Variants in ZFP69 observed in about 807,000 individuals in gnomAD.
ZFP69 encodes the protein ZFP69 zinc finger protein, also known as zinc finger protein 69 homolog.
A neutral mutation model predicts 48.9 loss-of-function variants in ZFP69; 35 were observed. The ratio of observed to expected loss-of-function variants is 0.72; its 90% CI spans 0.55 to 0.95. The LOEUF (loss-of-function observed/expected upper bound fraction) is 0.95, where lower values mean the gene tolerates loss of function less well. ZFP69 is among the 40% of genes least tolerant of loss of function. The pLI is 0.00. For synonymous variants in ZFP69, 193 were observed against 216.8 expected (o/e 0.89, Z 0.96); for missense variants, 557 against 638.4 (o/e 0.87, Z 1.37).
At position 40,489,560 on chromosome 1, in the gene ZFP69, C is replaced by G. The variant is rs1283229086; in HGVS notation, c.378C>G (p.Ser126=). 1 of 1,613,148 alleles carries G rather than the reference C, an allele frequency of 6.2e-7. No individual in the cohort carries two copies. Among genetic ancestry groups the G allele is most frequent in the Non-Finnish European group, 8.5e-7 (1 of 1,179,842 alleles). ...GYQLSKPSVI[S]QLEKGEEPWM... is the part of the protein sequence containing the mutation. ...AACTTTCCAAACCTAGTGTGATATCCCAGTTAGAGAAAGGAGAAGAGCCAT... is the reference window on the plus strand; with the variant it reads ...AACTTTCCAAACCTAGTGTGATATCGCAGTTAGAGAAAGGAGAAGAGCCAT... Residue 126 remains serine (S), a synonymous_variant, in exon 5 of 6, where the codon TCC becomes TCG. Coordinates refer to ENST00000372706, the MANE Select transcript of ZFP69 (RefSeq NM_001320179.2).
rs968885680 is a variant in ZFP69, at chr1:40,486,958, C to T, written c.220-2130C>T. 2.1e-5 allele frequency among the ~76,000 whole-genome samples: 3 copies of T among 143,628 alleles called. No individual in the cohort carries two copies. The Admixed American group carries it at 2.1e-4, about 10-fold the overall frequency. The allele number at this position is 143,628 out of a possible 152,430, so 94.2% of individuals were successfully genotyped here. A position where few individuals can be genotyped will look rare whatever the true frequency, so the allele number is the denominator to read the frequency against. ...TTTTTTTTTTTAAGATGGAGTCTTG[C>T]TCTGTCACCAGGCTGGAGTGCAGTG... On this transcript the variant is annotated intron_variant, in intron 3 of 5. Transcript: ENST00000372706.
rs1244582788 is a variant in ZFP69 at position 40,495,963 on chromosome 1, C to A, written c.1485C>A (p.Tyr495Ter). 1 of 1,614,142 alleles carries A rather than the reference C, an allele frequency of 6.2e-7. No individual in the cohort carries two copies. ...GACATCACACTGGAGAAAAACCTTA[C>A]GAATGTAACGAATGTGGAAAAGCCT... ...HQRHHTGEKP[Y>*]ECNECGKAFS... The change falls in exon 6 of 6, where the codon TAC becomes TAA. Residue 495 changes from tyrosine (Y) to a stop codon, truncating the protein, a stop_gained. Transcript: ENST00000372706. LOFTEE classifies it high-confidence loss of function.
chr1:40,489,174 A>G lies in ZFP69; in HGVS notation c.306A>G (p.Arg102=), dbSNP rs1645536856. The G allele has an allele frequency of 6.2e-7, 1 of 1,614,128 alleles. No individual in the cohort carries two copies. Among genetic ancestry groups the G allele is most frequent in the Non-Finnish European group, 8.5e-7 (1 of 1,180,012 alleles). ...CTCCTGCTCACCAGAATCTATACCGAGAGGTGATGCTGGAGAACTACAGCA... is the reference window on the plus strand; with the variant it reads ...CTCCTGCTCACCAGAATCTATACCGGGAGGTGATGCTGGAGAACTACAGCA... ...QLAPAHQNLY[R]EVMLENYSNL... is the part of the protein sequence containing the mutation. Residue 102 remains arginine, a synonymous_variant, in exon 4 of 6, where the codon CGA becomes CGG. Coordinates refer to ENST00000372706, the MANE Select transcript of ZFP69 (RefSeq NM_001320179.2).
At chr1:40,483,190 T>C (rs967934122) in intron 3 of ZFP69, among the ~76,000 whole-genome samples, 1 of 150,672 alleles carries the variant, frequency 6.6e-6, no homozygotes, top group African/African-American at 2.5e-5. Flanking sequence ...TTACATTATG[T>C]TACATATGTC....
chr1:40,488,170 T>TACAC (rs35093961), intron 3 of ZFP69, among the ~76,000 whole-genome samples: 2,103 of 147,658 alleles, frequency 0.014, 26 homozygotes, highest in African/African-American at 0.018. Flanking sequence ...TTTGTATGTA[T>TACAC]ACACACACAC....
Position 40,489,594 on chromosome 1 carries a change from G to C in ZFP69, c.412G>C (p.Glu138Gln), listed in dbSNP as rs758678936. ...LEKGEEPWMA[E>Q]KEGPGDPSSD... ...GAAAGGAGAAGAGCCATGGATGGCA[G>C]AGAAAGAAGGCCCAGGAGATCCCAG... The change falls in exon 5 of 6, where the codon GAG (glutamate) becomes CAG (glutamine). Residue 138 changes from glutamate (E) to glutamine (Q), a missense_variant. Transcript: ENST00000372706. The C allele has an allele frequency of 1.2e-5, 19 of 1,613,832 alleles. No homozygotes were observed. Among genetic ancestry groups the C allele is most frequent in the Non-Finnish European group, 1.6e-5 (19 of 1,179,940 alleles).
intron 1 of ZFP69, among the ~76,000 whole-genome samples, chr1:40,478,690 CA>C (rs1645413946): frequency 6.6e-6 from 1 of 152,170 alleles, no homozygotes; most frequent in Non-Finnish European, 1.5e-5. Flanking sequence ...ACCAACATTA[CA>C]ACTCTATAGA....
rs1430449314 is a variant in ZFP69, at chr1:40,495,940, C to T, written c.1462C>T (p.His488Tyr). The change falls in exon 6 of 6, where the codon CAT (histidine) becomes TAT (tyrosine). Residue 488 changes from histidine (H) to tyrosine (Y), a missense_variant. Coordinates refer to ENST00000372706, the MANE Select transcript of ZFP69 (RefSeq NM_001320179.2). ...TTCATCCTTTAAAAAACATCAGAGA[C>T]ATCACACTGGAGAAAAACCTTACGA... is the stretch of plus-strand genomic sequence containing the variant. Reference protein sequence around the residue: ...HDSSFKKHQRHHTGEKPYECN... With the variant: ...HDSSFKKHQRYHTGEKPYECN... 6.2e-7 allele frequency: 1 copy of T among 1,614,138 alleles called. No homozygotes were observed. Among genetic ancestry groups the T allele is most frequent in the Non-Finnish European group, 8.5e-7 (1 of 1,180,034 alleles).
In ZFP69 at chr1:40,479,155, T is replaced by G. The variant is rs189205008; in HGVS notation, c.-207T>G. 21 of 552,150 alleles carry G rather than the reference T, an allele frequency of 3.8e-5. No individual in the cohort carries two copies. The highest frequency in any genetic ancestry group is 6.0e-5 in the Admixed American group (2 of 33,234). The allele number at this position is 552,150 out of a possible 1,614,324, so 34.2% of individuals were successfully genotyped here. A position where few individuals can be genotyped will look rare whatever the true frequency, so the allele number is the denominator to read the frequency against. Reference sequence around the variant, plus strand: ...ACTGGCTGCCTCCCAAAGAAAGTGCTTGATTTAAAGGGGAGTTTGTTTTCC... The same window carrying G: ...ACTGGCTGCCTCCCAAAGAAAGTGCGTGATTTAAAGGGGAGTTTGTTTTCC... On this transcript the variant is annotated 5_prime_UTR_variant, in exon 2 of 6. Transcript: ENST00000372706.
At chr1:40,486,812 A>G (rs1439860840) in intron 3 of ZFP69, among the ~76,000 whole-genome samples, 7 of 151,960 alleles carry the variant, frequency 4.6e-5, no homozygotes, top group South Asian at 4.2e-4. Flanking sequence ...ATATTTATTG[A>G]CCCATCTTAA....
chr1:40,489,787 A>G (rs1283184801), intron 5 of ZFP69, among the ~76,000 whole-genome samples, 163 bp downstream of exon 5: 3 of 152,112 alleles, frequency 2.0e-5, no homozygotes, highest in African/African-American at 7.2e-5. Context: ...GAAACTTACA[A>G]TCATGGTGAA....
At chr1:40,481,385 T>C (rs1317949660) in intron 2 of ZFP69, among the ~76,000 whole-genome samples, 1 of 152,092 alleles carries the variant, frequency 6.6e-6, no homozygotes, top group Non-Finnish European at 1.5e-5. Context: ...GGTGAAGTGT[T>C]TGGATTTTTC....
chr1:40,490,857 C>T (rs1407940697), intron 5 of ZFP69: 1 of 152,148 alleles, frequency 6.6e-6, no homozygotes, highest in East Asian at 1.9e-4. Context: ...TAACAATCTC[C>T]TCAAACTTTG....
rs1645622626 is a variant in ZFP69, at chr1:40,495,508, C to A, written c.1030C>A (p.Gln344Lys). 1.9e-6 allele frequency: 3 copies of A among 1,613,934 alleles called. No individual in the cohort carries two copies. Among genetic ancestry groups the A allele is most frequent in the South Asian group, 2.2e-5 (2 of 91,084 alleles). Residue 344 changes from glutamine (Q) to lysine (K), a missense_variant, in exon 6 of 6, where the codon CAG becomes AAG. Gln to Lys is a moderately conservative substitution (Grantham distance 53). Transcript: ENST00000372706. Reference sequence around the variant, plus strand: ...CTTCAGACATCGCTCATCACTTAATCAGCATCATAGAACTCACACTGGGGA... The same window carrying A: ...CTTCAGACATCGCTCATCACTTAATAAGCATCATAGAACTCACACTGGGGA... ...KAFRHRSSLN[Q>K]HHRTHTGEKP...
Position 40,495,869 on chromosome 1 carries a change from T to TGAA in ZFP69, c.1392_1394dup (p.Lys465dup). 6.2e-7 allele frequency: 1 copy of TGAA among 1,614,014 alleles called. No homozygotes were observed. Among genetic ancestry groups the TGAA allele is most frequent in the Non-Finnish European group, 8.5e-7 (1 of 1,180,006 alleles). The stretch of plus-strand genomic sequence containing the variant: ...AACCATAAAACTGTTCATACAGGAG[T>TGAA]GAAAGCATATGAATGCAACCGCTGT... On this transcript the variant is annotated inframe_insertion, in exon 6 of 6. Coordinates refer to ENST00000372706, the MANE Select transcript of ZFP69 (RefSeq NM_001320179.2).
intron 1 of ZFP69, 81 bp from the exon 2 acceptor site, chr1:40,478,955 G>A (rs947567882): frequency 9.4e-6 from 2 of 213,308 alleles, no homozygotes; most frequent in South Asian, 6.7e-5. Flanking sequence ...ATAGAGCCAC[G>A]TCCAGGAACA....
chr1:40,478,298 G>A (rs1019124243), intron 1 of ZFP69, among the ~76,000 whole-genome samples: 1 of 152,178 alleles, frequency 6.6e-6, no homozygotes, highest in East Asian at 1.9e-4. Context: ...GGGTTTGGTT[G>A]AGATGATGGA....
chr1:40,491,225 A>AT (rs1297051723), intron 5 of ZFP69: 1 of 152,200 alleles, frequency 6.6e-6, no homozygotes, highest in African/African-American at 2.4e-5. Context: ...CATTCAATCC[A>AT]TTGAGTTAAT....
intron 5 of ZFP69, among the ~76,000 whole-genome samples, chr1:40,491,498 A>G (rs1038549764): frequency 1.3e-5 from 2 of 152,234 alleles, no homozygotes; most frequent in Admixed American, 6.5e-5. Context: ...GAGAGTTTCC[A>G]TAACTCAGCA....
Sources: gnomAD v4.1 joint callset for allele counts (sites outside exome capture counted in the v4.1 genomes callset) on GRCh38, gnomAD v4.1.1 for gene constraint, MANE v1.5 for transcripts, NCBI Gene and HGNC (gene_info 2026-07-23, HGNC 2026-07-21) for gene names.